The following FNIP1 variants were observed in gnomAD, a reference collection of about 807,000 sequenced individuals.
The protein encoded by FNIP1 is folliculin interacting protein 1, also known as folliculin-interacting protein 1.
FNIP1 carries 40 observed loss-of-function variants against 124.5 expected under a neutral mutation model. The ratio of observed to expected loss-of-function variants is 0.32; its 90% confidence interval spans 0.25 to 0.42. The LOEUF (loss-of-function observed/expected upper bound fraction) is 0.42. Ranked by LOEUF, FNIP1 falls within the 10% of genes least tolerant of loss-of-function variation. The probability of loss-of-function intolerance (pLI) is 1.00; values close to 1 mark genes in which losing one functional copy is unlikely to be tolerated. For missense variants in FNIP1, 1,176 were observed against 1,403.7 expected (o/e 0.84, Z 2.59); for synonymous variants, 472 against 470.6 (o/e 1.00, Z -0.04).
At chr5:131,753,158 T>G (rs1312389987) in intron 1 of FNIP1, among the ~76,000 whole-genome samples, 2 of 152,110 alleles carry the variant, frequency 1.3e-5, no homozygotes, top group African/African-American at 4.8e-5. Flanking sequence ...ATAACACCAG[T>G]GGTTGGTAAT....
chr5:131,698,804 C>T, intron 11 of FNIP1, 113 bp downstream of exon 11: 1 of 809,230 alleles, frequency 1.2e-6, no homozygotes, highest in Non-Finnish European at 1.9e-6. Context: ...ATTACACCAT[C>T]ATATGACTAT....
chr5:131,779,708 A>T (rs1771934589), intron 1 of FNIP1, among the ~76,000 whole-genome samples: 1 of 151,182 alleles, frequency 6.6e-6, no homozygotes, highest in Admixed American at 6.6e-5. Context: ...AAAAAAGAAA[A>T]GAAAAAGAAA....
intron 1 of FNIP1, among the ~76,000 whole-genome samples, chr5:131,793,613 G>T (rs771278823): frequency 6.6e-6 from 1 of 152,132 alleles, no homozygotes; most frequent in South Asian, 2.1e-4. Flanking sequence ...ACAAGGGAAG[G>T]GGGTATTTCC....
intron 1 of FNIP1, among the ~76,000 whole-genome samples, chr5:131,786,657 T>C (rs900762071): frequency 6.6e-6 from 1 of 152,140 alleles, no homozygotes; most frequent in Non-Finnish European, 1.5e-5. Context: ...TAAGAGGTGA[T>C]TAGGTTATGA....
chr5:131,676,288 C>T (rs952111386), intron 13 of FNIP1, among the ~76,000 whole-genome samples: 2 of 152,150 alleles, frequency 1.3e-5, no homozygotes, highest in East Asian at 3.9e-4. Flanking sequence ...GCTGAGATTA[C>T]AGGCGTGAGC....
chr5:131,719,539 T>C, intron 3 of FNIP1, 122 bp from the exon 4 acceptor site: 1 of 766,320 alleles, frequency 1.3e-6, no homozygotes, highest in Non-Finnish European at 2.0e-6. Flanking sequence ...ACTTCTACAC[T>C]GTATACGCTG....
chr5:131,730,324 ATT>A (rs1770038088), intron 3 of FNIP1, among the ~76,000 whole-genome samples: 3 of 152,210 alleles, frequency 2.0e-5, no homozygotes, highest in Non-Finnish European at 4.4e-5. Context: ...TCAAGATTCT[ATT>A]TTGATACTGA....
intron 15 of FNIP1, among the ~76,000 whole-genome samples, chr5:131,668,961 C>T (rs1225003683): frequency 6.6e-6 from 1 of 152,060 alleles, no homozygotes; most frequent in Non-Finnish European, 1.5e-5. Flanking sequence ...TTGGAGAAGC[C>T]CTCACCATTT....
intron 11 of FNIP1, among the ~76,000 whole-genome samples, chr5:131,691,045 G>A (rs565653093): frequency 2.0e-5 from 3 of 152,132 alleles, no homozygotes; most frequent in Non-Finnish European, 4.4e-5. Flanking sequence ...TCCAAAAACA[G>A]GAGAATACAC....
At chr5:131,731,483 G>A (rs1770090784) in intron 2 of FNIP1, among the ~76,000 whole-genome samples, 2 of 151,970 alleles carry the variant, frequency 1.3e-5, no homozygotes, top group Admixed American at 1.3e-4. Flanking sequence ...GAGAAACCCT[G>A]TCTCTACTAA....
chr5:131,706,613 A>T lies in FNIP1; in HGVS notation c.779-67T>A, dbSNP rs575657054. 25 of 1,388,108 alleles carry T rather than the reference A, an allele frequency of 1.8e-5. No homozygotes were observed. In the South Asian group the frequency reaches 4.7e-4, roughly 26 times the overall value. 86.0% of individuals were successfully genotyped at this position (1,388,108 alleles called of 1,614,324 possible). A position where few individuals can be genotyped will look rare whatever the true frequency, so the allele number is the denominator to read the frequency against. ...TAAGCATAATGACAAATTTCTTTTT[A>T]ACAAAATTACAAATAGGTTAAGTTA... On this transcript the variant is annotated intron_variant, in intron 8 of 17. Transcript: ENST00000510461.
At chr5:131,674,887 T>A (rs182581396) in intron 13 of FNIP1, among the ~76,000 whole-genome samples, 1 of 152,166 alleles carries the variant, frequency 6.6e-6, no homozygotes, top group Non-Finnish European at 1.5e-5. Context: ...AAGCTATAGA[T>A]ACTATTATGA....
chr5:131,763,335 T>C (rs1020340304), intron 1 of FNIP1, among the ~76,000 whole-genome samples: 23 of 146,578 alleles, frequency 1.6e-4, no homozygotes, highest in African/African-American at 5.8e-4. Flanking sequence ...ACGACTACAA[T>C]GGCCAGCAAA....
intron 15 of FNIP1, among the ~76,000 whole-genome samples, chr5:131,661,060 C>T (rs973517442): frequency 2.0e-5 from 3 of 152,254 alleles, no homozygotes; most frequent in Middle Eastern, 6.8e-3. Flanking sequence ...TTGGCGGTTT[C>T]AATTGGCTCT....
Position 131,644,508 on chromosome 5 carries a change from A to G in FNIP1, c.*177T>C, listed in dbSNP as rs1766810740. The G allele has an allele frequency of 2.3e-6, 1 of 429,038 alleles. No homozygotes were observed. The highest frequency in any genetic ancestry group is 3.8e-5 in the East Asian group (1 of 26,126). 26.6% of individuals were successfully genotyped at this position (429,038 alleles called of 1,614,324 possible). A position where few individuals can be genotyped will look rare whatever the true frequency, so the allele number is the denominator to read the frequency against. ...TCTACCACCACCCAAAAGTCCAGTC[A>G]AAAAGAAAAAGCCATCTGACATACA... On this transcript the variant is annotated 3_prime_UTR_variant, in exon 18 of 18. Transcript: ENST00000510461.
At chr5:131,769,316 T>C (rs1032961456) in intron 1 of FNIP1, among the ~76,000 whole-genome samples, 1 of 152,176 alleles carries the variant, frequency 6.6e-6, no homozygotes, top group Non-Finnish European at 1.5e-5. Flanking sequence ...TTCAATAAAA[T>C]AAGTATCTAA....
At chr5:131,679,197 AT>A in intron 11 of FNIP1, 22 bp from the exon 12 acceptor site, 1 of 1,411,834 alleles carries the variant, frequency 7.1e-7, no homozygotes, top group Non-Finnish European at 1.0e-6. Context: ...AAGACACATT[AT>A]GAAATGTATA....
At chr5:131,701,651 C>T (rs1260007696) in intron 10 of FNIP1, among the ~76,000 whole-genome samples, 2 of 152,204 alleles carry the variant, frequency 1.3e-5, no homozygotes, top group African/African-American at 2.4e-5. Context: ...GGCAGATCAT[C>T]CTTAGTCACT....
intron 7 of FNIP1, among the ~76,000 whole-genome samples, chr5:131,709,874 G>A (rs1303512974): frequency 6.6e-6 from 1 of 152,054 alleles, no homozygotes; most frequent in Non-Finnish European, 1.5e-5. Flanking sequence ...ATCAAAACAA[G>A]AAGGGCTAAA....
Sources: gnomAD v4.1 joint callset for allele counts (sites outside exome capture counted in the v4.1 genomes callset) on GRCh38, gnomAD v4.1.1 for gene constraint, MANE v1.5 for transcripts, NCBI Gene and HGNC (gene_info 2026-07-23, HGNC 2026-07-21) for gene names.